CEP97: variants seen among roughly 807,000 people sequenced by gnomAD.
CEP97 encodes the protein centrosomal protein of 97 kDa.
CEP97 carries 43 observed loss-of-function variants against 73.1 expected under a neutral mutation model. That is an observed-to-expected ratio of 0.59 (90% confidence interval 0.46 to 0.76). The LOEUF (loss-of-function observed/expected upper bound fraction) is 0.76. CEP97 is among the 30% of genes least tolerant of loss of function. The probability of loss-of-function intolerance (pLI) is 0.00; values close to 1 mark genes in which losing one functional copy is unlikely to be tolerated. For missense variants in CEP97, 939 were observed against 1,014.0 expected (o/e 0.93, Z 1.00); for synonymous variants, 337 against 370.0 (o/e 0.91, Z 1.02).
intron 6 of CEP97, among the ~76,000 whole-genome samples, chr3:101,754,712 C>T (rs1161666943): frequency 2.0e-5 from 3 of 152,114 alleles, no homozygotes; most frequent in Non-Finnish European, 2.9e-5. Context: ...TTTCTTTTCT[C>T]TCTCTCTCCC....
intron 6 of CEP97, among the ~76,000 whole-genome samples, chr3:101,736,030 C>T (rs1003371015): frequency 6.6e-6 from 1 of 152,122 alleles, no homozygotes; most frequent in African/African-American, 2.4e-5. Context: ...CTGCCTTTAC[C>T]GAGGTGCGAA....
chr3:101,762,891 A>G (rs1939209661), intron 10 of CEP97, among the ~76,000 whole-genome samples: 1 of 152,184 alleles, frequency 6.6e-6, no homozygotes, highest in Admixed American at 6.5e-5. Flanking sequence ...TCTTTTGGGA[A>G]TATTTGAATG....
intron 1 of CEP97, 79 bp from the exon 2 acceptor site, chr3:101,726,515 T>G: frequency 9.5e-7 from 1 of 1,058,084 alleles, no homozygotes; most frequent in Non-Finnish European, 1.3e-6. Context: ...ATAGAGATTT[T>G]ATAATTCCAG....
At chr3:101,747,501 C>T (rs550281198) in intron 6 of CEP97, among the ~76,000 whole-genome samples, 38 of 151,484 alleles carry the variant, frequency 2.5e-4, no homozygotes, top group African/African-American at 4.6e-4. Flanking sequence ...CCTTGTGATC[C>T]GCCCACCTCA....
At chr3:101,756,452 C>G (rs752906958) in intron 7 of CEP97, among the ~76,000 whole-genome samples, 4 of 151,640 alleles carry the variant, frequency 2.6e-5, no homozygotes, top group Non-Finnish European at 4.4e-5. Context: ...CATCTTCAGT[C>G]TCCTGGGCTC....
intron 6 of CEP97, among the ~76,000 whole-genome samples, chr3:101,735,855 C>T (rs988535186): frequency 2.0e-5 from 3 of 152,158 alleles, no homozygotes; most frequent in African/African-American, 7.2e-5. Context: ...GAACCGTTCA[C>T]TCCTCTGGAA....
intron 6 of CEP97, among the ~76,000 whole-genome samples, chr3:101,751,813 C>T (rs1191507646): frequency 6.6e-6 from 1 of 151,892 alleles, no homozygotes; most frequent in Non-Finnish European, 1.5e-5. Context: ...TGTCTCTGCA[C>T]GTGAGATGGG....
At chr3:101,756,170 G>A (rs779808684) in intron 7 of CEP97, among the ~76,000 whole-genome samples, 3 of 149,662 alleles carry the variant, frequency 2.0e-5, no homozygotes, top group Non-Finnish European at 4.4e-5. Context: ...AATGATTCTC[G>A]GGTCTAAGCC....
intron 6 of CEP97, among the ~76,000 whole-genome samples, chr3:101,740,001 A>G (rs1938399771): frequency 6.6e-6 from 1 of 152,166 alleles, no homozygotes; most frequent in South Asian, 2.1e-4. Flanking sequence ...ATTTATGACA[A>G]ACCCACAGCC....
chr3:101,752,216 A>T (rs1250769389), intron 6 of CEP97, among the ~76,000 whole-genome samples: 1 of 152,184 alleles, frequency 6.6e-6, no homozygotes, highest in African/African-American at 2.4e-5. Flanking sequence ...GTTGAATATT[A>T]TTGGCCCCCA....
intron 5 of CEP97, 110 bp from the exon 6 acceptor site, chr3:101,732,376 CAA>C (rs1560009211): frequency 2.5e-5 from 18 of 729,748 alleles, no homozygotes; most frequent in South Asian, 3.8e-5. Context: ...CTTTTCAGAA[CAA>C]GAGGGAAATT....
chr3:101,760,476 TAG>T (rs1939141297), intron 9 of CEP97, among the ~76,000 whole-genome samples: 1 of 152,100 alleles, frequency 6.6e-6, no homozygotes, highest in Non-Finnish European at 1.5e-5. Flanking sequence ...GGTGATATTG[TAG>T]AGAGAGCAGG....
chr3:101,758,024 C>T lies in CEP97; in HGVS notation c.1418C>T (p.Thr473Ile). 1.1e-5 allele frequency: 17 copies of T among 1,614,194 alleles called. No individual in the cohort carries two copies. The highest frequency in any genetic ancestry group is 1.4e-5 in the Non-Finnish European group (17 of 1,180,022). Residue 473 changes from threonine (T) to isoleucine (I), a missense_variant, in exon 9 of 11, where the codon ACA becomes ATA. Coordinates refer to ENST00000341893, the MANE Select transcript of CEP97 (RefSeq NM_024548.4). Reference protein sequence around the residue: ...SVQMMRSEINTEVNEKAGLLP... With the variant: ...SVQMMRSEINIEVNEKAGLLP... ...CAAATGATGAGAAGTGAAATCAATA[C>T]AGAGGTAAATGAGAAAGCTGGACTA...
chr3:101,746,853 C>T (rs1215242991), intron 6 of CEP97, among the ~76,000 whole-genome samples: 2 of 148,912 alleles, frequency 1.3e-5, no homozygotes, highest in Admixed American at 6.7e-5. Flanking sequence ...ACAACCCCAT[C>T]AAAAAGTGGG....
At chr3:101,736,157 C>T (rs1432591293) in intron 6 of CEP97, among the ~76,000 whole-genome samples, 2 of 152,242 alleles carry the variant, frequency 1.3e-5, no homozygotes, top group African/African-American at 4.8e-5. Flanking sequence ...TTCCTCCTCT[C>T]TGGGCAGGAC....
rs1939368058 is a variant in CEP97, at chr3:101,768,316, T to C, written c.*2765T>C. The stretch of plus-strand genomic sequence containing the variant: ...TATGCTACTGTAGTCCAAAATTTTA[T>C]TATGTCCTCTTAATCTTTACATTTA... On this transcript the variant is annotated 3_prime_UTR_variant, in exon 11 of 11. Transcript: ENST00000341893. 1 of 152,212 alleles carries C rather than the reference T, an allele frequency of 6.6e-6. No homozygotes were observed. Among genetic ancestry groups the C allele is most frequent in the Admixed American group, 6.5e-5 (1 of 15,282 alleles). 9.4% of individuals were successfully genotyped at this position (152,212 alleles called of 1,614,324 possible).
Position 101,727,261 on chromosome 3 carries a change from A to C in CEP97, c.187-122A>C, listed in dbSNP as rs1937921559. On this transcript the variant is annotated intron_variant, in intron 2 of 10. Coordinates refer to ENST00000341893, the MANE Select transcript of CEP97 (RefSeq NM_024548.4). ...TAGAATATTTAGACAATATATGTGA[A>C]ATGTACAAAAGGAGTTTGTTTGAGA... 10 of 713,852 alleles carry C rather than the reference A, an allele frequency of 1.4e-5. No individual in the cohort carries two copies. The South Asian group carries it at 2.2e-4, about 16-fold the overall frequency. The allele number at this position is 713,852 out of a possible 1,614,324, so 44.2% of individuals were successfully genotyped here. A position where few individuals can be genotyped will look rare whatever the true frequency, so the allele number is the denominator to read the frequency against.
intron 6 of CEP97, among the ~76,000 whole-genome samples, chr3:101,740,794 G>T (rs1938426423): frequency 6.6e-6 from 1 of 152,160 alleles, no homozygotes; most frequent in African/African-American, 2.4e-5. Context: ...TCTCCATGTT[G>T]GTCAGACTGG....
At chr3:101,756,900 T>C (rs1939019580) in intron 7 of CEP97, among the ~76,000 whole-genome samples, 163 bp from the exon 8 acceptor site, 1 of 152,244 alleles carries the variant, frequency 6.6e-6, no homozygotes, top group Admixed American at 6.5e-5. Flanking sequence ...TTAACTTTCT[T>C]TATCCAGTGC....
Sources: gnomAD v4.1 joint callset for allele counts (sites outside exome capture counted in the v4.1 genomes callset) on GRCh38, gnomAD v4.1.1 for gene constraint, MANE v1.5 for transcripts, NCBI Gene and HGNC (gene_info 2026-07-23, HGNC 2026-07-21) for gene names.